IL32: variants seen among roughly 807,000 people sequenced by gnomAD.
The protein encoded by IL32 is interleukin-32.
Under a neutral mutation model 16.6 loss-of-function variants are expected in IL32, and 30 were observed. The ratio of observed to expected loss-of-function variants is 1.81; its 90% CI spans 1.35 to 2.45. The LOEUF (loss-of-function observed/expected upper bound fraction) is 2.45. IL32 is among the 30% of genes most tolerant of loss of function. The pLI is 0.00. For missense variants in IL32, 234 were observed against 229.8 expected (o/e 1.02, Z -0.12); for synonymous variants, 70 against 86.1 (o/e 0.81, Z 1.03).
chr16:3,065,747 AC>A, intron 1 of IL32, 36 bp from the exon 2 acceptor site: 1 of 1,607,380 alleles, frequency 6.2e-7, no homozygotes, highest in Non-Finnish European at 8.5e-7. Context: ...CTTCTCTGAG[AC>A]ACTTTCTTTT....
At chr16:3,067,497 G>A in intron 3 of IL32, 57 bp from the exon 4 acceptor site, 5 of 1,614,010 alleles carry the variant, frequency 3.1e-6, no homozygotes, top group South Asian at 1.1e-5. Context: ...GGGACACCTG[G>A]GACCCTGGAG....
In IL32 at chr16:3,066,910, C is replaced by T. The variant is rs187329047; in HGVS notation, c.16-467C>T. 4.6e-5 allele frequency among the ~76,000 whole-genome samples: 7 copies of T among 151,016 alleles called. No individual in the cohort carries two copies. In the East Asian group the frequency reaches 9.9e-4, roughly 21 times the overall value. On this transcript the variant is annotated intron_variant, in intron 2 of 6. Transcript: ENST00000525643. Reference sequence around the variant, plus strand: ...GTGTGTGTGTGCAGGGAGGACACCCCGGCCCACGCAGGCCCTGCTCTTGTG... The same window carrying T: ...GTGTGTGTGTGCAGGGAGGACACCCTGGCCCACGCAGGCCCTGCTCTTGTG...
chr16:3,067,255 C>A, intron 2 of IL32, 122 bp from the exon 3 acceptor site: 1 of 636,782 alleles, frequency 1.6e-6, no homozygotes, highest in South Asian at 2.1e-5. Context: ...TTATCCTGTA[C>A]CTCTGCCATG....
Position 3,067,364 on chromosome 16 carries a change from G to C in IL32, c.16-13G>C. ...TGACACATGGAGACTGAGTGTCACC[G>C]TTATTTCCGCAGGTCCTCTCTGATG... is the stretch of plus-strand genomic sequence containing the variant. On this transcript the variant is annotated splice_polypyrimidine_tract_variant and intron_variant, in intron 2 of 6. Coordinates refer to ENST00000525643, the MANE Select transcript of IL32 (RefSeq NM_001376923.1). 1 of 1,505,614 alleles carries C rather than the reference G, an allele frequency of 6.6e-7. No homozygotes were observed. 93.3% of individuals were successfully genotyped at this position (1,505,614 alleles called of 1,614,324 possible). A position where few individuals can be genotyped will look rare whatever the true frequency, so the allele number is the denominator to read the frequency against.
intron 2 of IL32, among the ~76,000 whole-genome samples, chr16:3,066,747 T>C (rs1473839248): frequency 6.6e-6 from 1 of 152,198 alleles, no homozygotes; most frequent in Non-Finnish European, 1.5e-5. Context: ...ATGGCTGCTG[T>C]TACCTTCTCA....
At chr16:3,068,264 C>T (rs1418216576) in intron 6 of IL32, 25 bp downstream of exon 6, 12 of 1,566,680 alleles carry the variant, frequency 7.7e-6, no homozygotes, top group Non-Finnish European at 1.0e-5. Flanking sequence ...CCCATCTGGG[C>T]ACCTTGCCTT....
At chr16:3,068,756 G>T (rs1187085078) in intron 6 of IL32, 4 of 620,918 alleles carry the variant, frequency 6.4e-6, no homozygotes, top group African/African-American at 3.7e-5. Flanking sequence ...CACGATGAGG[G>T]CCCTGACCTG....
rs1441756628 is a variant in IL32 at position 3,068,141 on chromosome 16, C to T, written c.142-39C>T. The T allele has an allele frequency of 1.9e-6, 3 of 1,602,334 alleles. No homozygotes were observed. The Admixed American group carries it at 5.1e-5, about 27-fold the overall frequency. ...GGGGCCACAGTGGGAAGGGGGCAGG[C>T]AGGAGCAGCATGAACCCCCTGTGCC... On this transcript the variant is annotated intron_variant, in intron 5 of 6. Transcript: ENST00000525643.
At chr16:3,066,798 A>AC (rs1309115620) in intron 2 of IL32, among the ~76,000 whole-genome samples, 1 of 151,864 alleles carries the variant, frequency 6.6e-6, no homozygotes, top group African/African-American at 2.4e-5. Context: ...GCCAACTCTC[A>AC]CCTGGGACCA....
rs765446264 is a variant in IL32, at chr16:3,069,194, G to C, written c.406G>C (p.Ala136Pro). Residue 136 changes from alanine to proline, a missense_variant, in exon 7 of 7, where the codon GCC becomes CCC. This residue lies in a region of IL32 where 44 missense variants were observed against 103.1 expected (regional missense o/e 0.43). Transcript: ENST00000525643. ...VLAWVKEKVV[A>P]LVHAVQALWK... is the part of the protein sequence containing the mutation. ...GGCCTGGGTGAAGGAGAAGGTGGTG[G>C]CCCTGGTCCATGCAGTGCAGGCCCT... is the stretch of plus-strand genomic sequence containing the variant. 8 of 1,614,122 alleles carry C rather than the reference G, an allele frequency of 5.0e-6. No individual in the cohort carries two copies. In the South Asian group the frequency reaches 8.8e-5, roughly 18 times the overall value.
At chr16:3,068,397 T>G in intron 6 of IL32, 158 bp downstream of exon 6, 1 of 681,998 alleles carries the variant, frequency 1.5e-6, no homozygotes, top group Non-Finnish European at 2.5e-6. Flanking sequence ...CCTCCAAATC[T>G]CGGGTTTAAG....
chr16:3,067,588 A>G lies in IL32; in HGVS notation c.89A>G (p.Gln30Arg). 1 of 1,613,808 alleles carries G rather than the reference A, an allele frequency of 6.2e-7. No individual in the cohort carries two copies. Among genetic ancestry groups the G allele is most frequent in the Non-Finnish European group, 8.5e-7 (1 of 1,179,860 alleles). Residue 30 changes from glutamine (Q) to arginine (R), a missense_variant, in exon 4 of 7, where the codon CAA becomes CGA. Around this residue, in one of 3 missense-constraint regions of IL32, gnomAD observed 137 missense variants for 80.7 expected, o/e 1.70. Coordinates refer to ENST00000525643, the MANE Select transcript of IL32 (RefSeq NM_001376923.1). ...ATAGAAAGATTTTATGATAAAATGC[A>G]AAATGCAGAATCAGGACGTGGACAG... ...QAIERFYDKM[Q>R]NAESGRGQVM...
In IL32 at chr16:3,068,163, T is replaced by G. The variant is rs376946666; in HGVS notation, c.142-17T>G. ...AGGCAGGAGCAGCATGAACCCCCTG[T>G]GCCCTCCTCTCCCCAGGACGACTTC... On this transcript the variant is annotated splice_polypyrimidine_tract_variant and intron_variant, in intron 5 of 6. Transcript: ENST00000525643. 5.6e-6 allele frequency: 9 copies of G among 1,603,894 alleles called. No individual in the cohort carries two copies. The African/African-American group carries it at 9.4e-5, about 17-fold the overall frequency.
intron 4 of IL32, 109 bp from the exon 5 acceptor site, chr16:3,067,875 G>T (rs1956580471): frequency 1.5e-6 from 2 of 1,334,080 alleles, no homozygotes; most frequent in Admixed American, 3.5e-5. Flanking sequence ...CCCCTGGCTG[G>T]GCCCAGTTCG....
chr16:3,069,166 T>G lies in IL32; in HGVS notation c.378T>G (p.Val126=), dbSNP rs34184287. 1.2e-4 allele frequency: 191 copies of G among 1,570,758 alleles called. No homozygotes were observed. The East Asian group carries it at 4.4e-3, about 36-fold the overall frequency. The part of the protein sequence containing the change: ...LQRLQTWWHG[V]LAWVKEKVVA... Reference sequence around the variant, plus strand: ...GGCTGCAGACCTGGTGGCACGGGGTTCTGGCCTGGGTGAAGGAGAAGGTGG... The same window carrying G: ...GGCTGCAGACCTGGTGGCACGGGGTGCTGGCCTGGGTGAAGGAGAAGGTGG... The change falls in exon 7 of 7, where the codon GTT becomes GTG. Residue 126 remains valine, a synonymous_variant. Transcript: ENST00000525643.
chr16:3,067,678 G>A (rs767588584), intron 4 of IL32, 65 bp downstream of exon 4: 7 of 1,230,246 alleles, frequency 5.7e-6, no homozygotes, highest in East Asian at 2.3e-5. Flanking sequence ...CACCCTGTGT[G>A]GGGCTCAGGG....
chr16:3,067,299 G>A, intron 2 of IL32, 78 bp from the exon 3 acceptor site: 1 of 713,060 alleles, frequency 1.4e-6, no homozygotes, highest in Non-Finnish European at 2.4e-6. Context: ...GTGTGTGTGT[G>A]TGTGTGTGTG....
chr16:3,068,854 G>A, intron 6 of IL32, 136 bp from the exon 7 acceptor site: 3 of 1,401,838 alleles, frequency 2.1e-6, no homozygotes, highest in Non-Finnish European at 2.9e-6. Context: ...CTTGCCCACG[G>A]GGCTGTGGTT....
At chr16:3,068,289 C>T (rs1357791720) in intron 6 of IL32, 50 bp downstream of exon 6, 6 of 1,451,156 alleles carry the variant, frequency 4.1e-6, no homozygotes, top group Non-Finnish European at 5.7e-6. Context: ...CACCTCTGCC[C>T]TGTCTTTTCT....
Sources: allele counts gnomAD v4.1 joint callset (sites outside exome capture counted in the v4.1 genomes callset), GRCh38; gene constraint gnomAD v4.1.1; regional missense constraint gnomAD v4.1.1; transcripts MANE v1.5; gene names NCBI Gene and HGNC (gene_info 2026-07-23, HGNC 2026-07-21).